Variants in DCC observed in about 807,000 individuals in gnomAD.
DCC encodes the protein netrin receptor DCC.
Under a neutral mutation model 172.5 loss-of-function variants are expected in DCC, and 58 were observed. The ratio of observed to expected loss-of-function variants is 0.34; its 90% confidence interval spans 0.27 to 0.42. The LOEUF (loss-of-function observed/expected upper bound fraction) is 0.42, where lower values mean the gene tolerates loss of function less well. DCC is among the 10% of genes least tolerant of loss of function. The probability of loss-of-function intolerance (pLI) is 1.00; values close to 1 mark genes in which losing one functional copy is unlikely to be tolerated. For missense variants in DCC, 1,740 were observed against 1,791.0 expected (o/e 0.97, Z 0.51); for synonymous variants, 709 against 644.5 (o/e 1.10, Z -1.52).
At chr18:52,536,270 G>T (rs1216420440) in intron 1 of DCC, among the ~76,000 whole-genome samples, 1 of 152,070 alleles carries the variant, frequency 6.6e-6, no homozygotes, top group Non-Finnish European at 1.5e-5. Context: ...AGACCAACTT[G>T]GCACTTCAAG....
chr18:52,923,597 G>C (rs1376260430), intron 3 of DCC, 110 bp from the exon 4 acceptor site: 1 of 845,096 alleles, frequency 1.2e-6, no homozygotes. Flanking sequence ...AATTTCATTG[G>C]CATCTTTTCA....
chr18:52,811,974 C>CA (rs2038209561), intron 2 of DCC, among the ~76,000 whole-genome samples: 1 of 152,156 alleles, frequency 6.6e-6, no homozygotes, highest in Admixed American at 6.5e-5. Flanking sequence ...AAATTTCTTT[C>CA]AAAAGGCAAC....
At chr18:53,001,287 G>T (rs2041561322) in intron 5 of DCC, among the ~76,000 whole-genome samples, 1 of 152,028 alleles carries the variant, frequency 6.6e-6, no homozygotes, top group South Asian at 2.1e-4. Context: ...TCATAAGTTT[G>T]TCTAAAAGTG....
chr18:53,528,011 T>G (rs1348528519), intron 28 of DCC, among the ~76,000 whole-genome samples: 1 of 152,138 alleles, frequency 6.6e-6, no homozygotes, highest in Admixed American at 6.6e-5. Flanking sequence ...AAATGAAGTC[T>G]TCTGCAAAAT....
intron 2 of DCC, among the ~76,000 whole-genome samples, chr18:52,870,274 G>C (rs1325247038): frequency 1.3e-5 from 2 of 152,174 alleles, no homozygotes; most frequent in African/African-American, 4.8e-5. Context: ...CCGTGGGGGT[G>C]GGGGCTGTGC....
chr18:53,226,953 T>A (rs2056042771), intron 12 of DCC, among the ~76,000 whole-genome samples: 5 of 114,776 alleles, frequency 4.4e-5, no homozygotes, highest in Admixed American at 1.7e-4. Flanking sequence ...TATATATTTT[T>A]TTTTTTTTTT....
At chr18:53,351,439 C>A (rs553945898) in intron 15 of DCC, among the ~76,000 whole-genome samples, 3 of 24,404 alleles carry the variant, frequency 1.2e-4, no homozygotes, top group Admixed American at 4.5e-4. Context: ...TATATATATA[C>A]AGTGTATATA....
intron 26 of DCC, among the ~76,000 whole-genome samples, chr18:53,497,085 C>T (rs975477998): frequency 6.6e-6 from 1 of 152,010 alleles, no homozygotes; most frequent in Non-Finnish European, 1.5e-5. Flanking sequence ...AAATTTCTTT[C>T]CCTGGATGAA....
chr18:52,458,040 A>G (rs531363531), intron 1 of DCC, among the ~76,000 whole-genome samples: 1 of 152,264 alleles, frequency 6.6e-6, no homozygotes, highest in Admixed American at 6.5e-5. Flanking sequence ...ACAGGCGTGG[A>G]TGCGGCCACA....
At chr18:52,924,488 T>G (rs1444669705) in intron 4 of DCC, among the ~76,000 whole-genome samples, 1 of 152,070 alleles carries the variant, frequency 6.6e-6, no homozygotes, top group Non-Finnish European at 1.5e-5. Context: ...CAGAATAACT[T>G]GGCTGGCTTT....
intron 1 of DCC, among the ~76,000 whole-genome samples, chr18:52,565,865 G>T (rs2033148830): frequency 6.6e-6 from 1 of 151,962 alleles, no homozygotes; most frequent in Non-Finnish European, 1.5e-5. Context: ...GTCAATTTTG[G>T]CTTTTGTTGC....
Position 53,472,501 on chromosome 18 carries a change from T to C in DCC, c.3736+4491T>C, listed in dbSNP as rs577805847. Among the ~76,000 whole-genome samples, 49 of 152,318 alleles carry C rather than the reference T, an allele frequency of 3.2e-4. 1 individual carries two copies. In the South Asian group the frequency reaches 5.8e-3, roughly 18 times the overall value. ...AACTAAGTTCTATCTGTGCCAATCA[T>C]TTATTGCTTTCTTCTCAAACATTAT... On this transcript the variant is annotated intron_variant, in intron 25 of 28. Coordinates refer to ENST00000442544, the MANE Select transcript of DCC (RefSeq NM_005215.4).
At chr18:52,397,166 A>C (rs1986262613) in intron 1 of DCC, among the ~76,000 whole-genome samples, 1 of 151,984 alleles carries the variant, frequency 6.6e-6, no homozygotes, top group African/African-American at 2.4e-5. Flanking sequence ...CTTGCATCAA[A>C]ATTACGTGGG....
intron 2 of DCC, among the ~76,000 whole-genome samples, chr18:52,833,219 A>T (rs796478289): frequency 2.6e-5 from 4 of 152,216 alleles, no homozygotes; most frequent in African/African-American, 9.6e-5. Flanking sequence ...TTAGGGCCAC[A>T]TTTTCAATAC....
At chr18:52,929,472 C>A (rs2040270005) in intron 5 of DCC, among the ~76,000 whole-genome samples, 1 of 151,766 alleles carries the variant, frequency 6.6e-6, no homozygotes, top group South Asian at 2.1e-4. Flanking sequence ...AATACGTGAC[C>A]GTAATGTAAT....
intron 2 of DCC, among the ~76,000 whole-genome samples, chr18:52,790,600 C>T (rs181730289): frequency 1.6e-4 from 25 of 152,142 alleles, no homozygotes; most frequent in East Asian, 3.9e-4. Context: ...CATTTTATAC[C>T]GTAAAAGAAG....
intron 1 of DCC, among the ~76,000 whole-genome samples, chr18:52,654,153 C>T (rs1052035861): frequency 1.3e-5 from 2 of 152,154 alleles, no homozygotes; most frequent in Non-Finnish European, 2.9e-5. Context: ...TAGAAAAGCA[C>T]TTATTAATTC....
intron 14 of DCC, among the ~76,000 whole-genome samples, chr18:53,334,492 T>A (rs1020425182): frequency 1.3e-5 from 2 of 152,198 alleles, no homozygotes; most frequent in Non-Finnish European, 2.9e-5. Context: ...AGCACATTCA[T>A]GTTGTCATGC....
intron 1 of DCC, among the ~76,000 whole-genome samples, chr18:52,674,208 T>G (rs1319206742): frequency 1.3e-5 from 2 of 152,186 alleles, no homozygotes; most frequent in African/African-American, 2.4e-5. Flanking sequence ...ACAATTGGCT[T>G]GAGAAGTTCC....
Sources: gnomAD v4.1 joint callset for allele counts (sites outside exome capture counted in the v4.1 genomes callset) on GRCh38, gnomAD v4.1.1 for gene constraint, MANE v1.5 for transcripts, NCBI Gene and HGNC (gene_info 2026-07-23, HGNC 2026-07-21) for gene names.